ADAMTS16: variants seen among roughly 807,000 people sequenced by gnomAD.
ADAMTS16 encodes ADAM metallopeptidase with thrombospondin type 1 motif 16.
In ADAMTS16, 94 loss-of-function variants were observed where a neutral mutation model predicts 145.8. The ratio of observed to expected loss-of-function variants is 0.64; its 90% CI spans 0.55 to 0.77. The LOEUF (loss-of-function observed/expected upper bound fraction) is 0.77, where lower values mean the gene tolerates loss of function less well. Among genes scored for constraint, ADAMTS16 ranks in the 30% least tolerant of loss-of-function variants. The pLI is 0.00. For synonymous variants in ADAMTS16, 659 were observed against 604.3 expected, an observed-to-expected ratio of 1.09 and a Z score of -1.33; for missense variants, 1,585 against 1,591.5, an observed-to-expected ratio of 1.00 and a Z score of 0.07.
intron 3 of ADAMTS16, among the ~76,000 whole-genome samples, chr5:5,170,764 T>C (rs113257727): frequency 9.9e-5 from 15 of 152,240 alleles, no homozygotes; most frequent in Admixed American, 4.6e-4. Context: ...GTTGTTAATC[T>C]CTTGTCAGAT....
At chr5:5,284,142 A>G (rs1245181367) in intron 18 of ADAMTS16, among the ~76,000 whole-genome samples, 3 of 152,180 alleles carry the variant, frequency 2.0e-5, no homozygotes, top group Non-Finnish European at 2.9e-5. Flanking sequence ...TAATACTACT[A>G]TAGTTGCCTC....
At chr5:5,204,869 C>G (rs931459709) in intron 9 of ADAMTS16, among the ~76,000 whole-genome samples, 1 of 152,150 alleles carries the variant, frequency 6.6e-6, no homozygotes, top group Admixed American at 6.5e-5. Context: ...TGAAGTTACA[C>G]TCCCAGAAGC....
At chr5:5,270,875 G>A (rs893870493) in intron 18 of ADAMTS16, among the ~76,000 whole-genome samples, 1 of 152,180 alleles carries the variant, frequency 6.6e-6, no homozygotes, top group Admixed American at 6.5e-5. Flanking sequence ...CCTCTAGGCT[G>A]CAGGTACTCC....
intron 17 of ADAMTS16, among the ~76,000 whole-genome samples, chr5:5,242,962 A>C (rs1340019849): frequency 1.3e-5 from 2 of 152,244 alleles, no homozygotes; most frequent in African/African-American, 2.4e-5. Flanking sequence ...TATGCAATCT[A>C]GGTTTTCATA....
chr5:5,242,058 G>T lies in ADAMTS16; in HGVS notation c.2529G>T (p.Leu843=), dbSNP rs375548211. 18 of 1,613,774 alleles carry T rather than the reference G, an allele frequency of 1.1e-5. No homozygotes were observed. Among genetic ancestry groups the T allele is most frequent in the African/African-American group, 2.7e-5 (2 of 74,904 alleles). ...TCCCCTTTCTTATTTTGTAGCTGCTGTTTCAGGGAAGGAACCCGGGTGTTG... is the reference window on the plus strand; with the variant it reads ...TCCCCTTTCTTATTTTGTAGCTGCTTTTTCAGGGAAGGAACCCGGGTGTTG... ...PTNETLIVEL[L]FQGRNPGVAW... Residue 843 remains leucine, a synonymous_variant, in exon 17 of 23, where the codon CTG becomes CTT. Coordinates refer to ENST00000274181, the MANE Select transcript of ADAMTS16 (RefSeq NM_139056.4).
chr5:5,300,362 A>T (rs1739721474), intron 18 of ADAMTS16, among the ~76,000 whole-genome samples: 1 of 152,224 alleles, frequency 6.6e-6, no homozygotes, highest in South Asian at 2.1e-4. Context: ...GAGGATGTGT[A>T]TGTAATTTAG....
At chr5:5,200,560 C>A (rs546987172) in intron 9 of ADAMTS16, among the ~76,000 whole-genome samples, 2 of 152,320 alleles carry the variant, frequency 1.3e-5, no homozygotes, top group East Asian at 3.9e-4. Flanking sequence ...TTTTACAATT[C>A]TCACTTCCAT....
chr5:5,300,047 A>G (rs769903782), intron 18 of ADAMTS16, among the ~76,000 whole-genome samples: 3 of 152,218 alleles, frequency 2.0e-5, no homozygotes, highest in Non-Finnish European at 2.9e-5. Context: ...GACTGTTTGA[A>G]TGGAGTGCAG....
intron 3 of ADAMTS16, among the ~76,000 whole-genome samples, chr5:5,161,962 A>T (rs1734752380): frequency 6.6e-6 from 1 of 152,154 alleles, no homozygotes; most frequent in Non-Finnish European, 1.5e-5. Context: ...CCAACTCCCA[A>T]ACCAAAGCTT....
At chr5:5,195,893 T>G (rs1304362813) in intron 8 of ADAMTS16, among the ~76,000 whole-genome samples, 1 of 152,108 alleles carries the variant, frequency 6.6e-6, no homozygotes, top group Non-Finnish European at 1.5e-5. Context: ...CTGTCGGTAT[T>G]GCAAGAGACC....
chr5:5,157,849 C>T (rs1052666143), intron 3 of ADAMTS16, among the ~76,000 whole-genome samples: 9 of 152,188 alleles, frequency 5.9e-5, no homozygotes, highest in Admixed American at 5.2e-4. Context: ...GAGCTTTCCT[C>T]CACATAAGGC....
At chr5:5,256,909 C>T (rs1373841029) in intron 17 of ADAMTS16, among the ~76,000 whole-genome samples, 4 of 152,096 alleles carry the variant, frequency 2.6e-5, no homozygotes, top group Admixed American at 6.5e-5. Context: ...AGGAAAGGAA[C>T]AGATTAATTT....
At chr5:5,196,142 C>T (rs529081133) in intron 8 of ADAMTS16, among the ~76,000 whole-genome samples, 4 of 143,938 alleles carry the variant, frequency 2.8e-5, no homozygotes, top group Non-Finnish European at 6.0e-5. Flanking sequence ...AGAGTAACCT[C>T]AGGAAGTAGA....
rs183954698 is a variant in ADAMTS16 at position 5,198,633 on chromosome 5, T to C, written c.1314-1499T>C. On this transcript the variant is annotated intron_variant, in intron 8 of 22. Transcript: ENST00000274181. ...CTGTGTTGAGTTTTAAATTAGAATA[T>C]AGGTTACAAGCGTACCATAAAAGCT... Among the ~76,000 whole-genome samples the C allele has an allele frequency of 1.5e-3, 234 of 152,308 alleles. 3 individuals carry two copies. Among genetic ancestry groups the C allele is most frequent in the Admixed American group, 0.015 (231 of 15,288 alleles).
intron 10 of ADAMTS16, among the ~76,000 whole-genome samples, chr5:5,215,053 A>G (rs906095389): frequency 6.6e-6 from 1 of 152,210 alleles, no homozygotes; most frequent in Non-Finnish European, 1.5e-5. Context: ...TGATGGATGG[A>G]TGATATTTTA....
chr5:5,308,855 C>T (rs1000600373), intron 21 of ADAMTS16, among the ~76,000 whole-genome samples: 1 of 150,338 alleles, frequency 6.7e-6, no homozygotes, highest in African/African-American at 2.5e-5. Context: ...GAGGCTGAAA[C>T]AGGAGAATTG....
intron 9 of ADAMTS16, among the ~76,000 whole-genome samples, chr5:5,201,015 G>T (rs891298427): frequency 4.6e-5 from 7 of 152,176 alleles, no homozygotes; most frequent in Admixed American, 3.3e-4. Flanking sequence ...TTGAAGTTTG[G>T]TTTAAATCTT....
At chr5:5,254,847 T>G (rs1737732497) in intron 17 of ADAMTS16, among the ~76,000 whole-genome samples, 1 of 152,162 alleles carries the variant, frequency 6.6e-6, no homozygotes, top group Non-Finnish European at 1.5e-5. Flanking sequence ...TGAGCTGTAG[T>G]TTTCTTTTGT....
intron 21 of ADAMTS16, among the ~76,000 whole-genome samples, chr5:5,307,964 G>A (rs1461217367): frequency 2.6e-5 from 4 of 152,200 alleles, no homozygotes; most frequent in African/African-American, 2.4e-5. Context: ...AGACCCGGTC[G>A]AAGCCTATTG....
Sources: gnomAD v4.1 joint callset for allele counts (sites outside exome capture counted in the v4.1 genomes callset) on GRCh38, gnomAD v4.1.1 for gene constraint, MANE v1.5 for transcripts, NCBI Gene and HGNC (gene_info 2026-07-23, HGNC 2026-07-21) for gene names.